The following PSD3 variants were observed in gnomAD, a reference collection of about 807,000 sequenced individuals.
PSD3 encodes the protein pleckstrin and Sec7 domain containing 3, also known as PH and SEC7 domain-containing protein 3.
A neutral mutation model predicts 105.5 loss-of-function variants in PSD3; 49 were observed. The ratio of observed to expected loss-of-function variants is 0.46; its 90% CI spans 0.37 to 0.59. PSD3 has a LOEUF of 0.59. Ranked by LOEUF, PSD3 falls within the 20% of genes least tolerant of loss-of-function variation. PSD3 has a pLI of 0.00. For synonymous variants in PSD3, 557 were observed against 457.8 expected (o/e 1.22, Z -2.77); for missense variants, 1,561 against 1,263.8 (o/e 1.24, Z -3.57).
intron 9 of PSD3, among the ~76,000 whole-genome samples, chr8:18,656,027 C>T (rs1808867226): frequency 1.3e-5 from 2 of 152,106 alleles, no homozygotes. Flanking sequence ...TGTAGTTTCA[C>T]TCAGTTGGAC....
At chr8:19,035,900 G>A (rs557807881) in intron 1 of PSD3, among the ~76,000 whole-genome samples, 4 of 152,078 alleles carry the variant, frequency 2.6e-5, no homozygotes, top group Middle Eastern at 3.4e-3. Flanking sequence ...GATTGCAGGT[G>A]CATACCACTA....
At chr8:18,768,137 A>AAAAAAAAAAT (rs71217400) in intron 8 of PSD3, among the ~76,000 whole-genome samples, 1 of 143,928 alleles carries the variant, frequency 6.9e-6, no homozygotes. Flanking sequence ...AAAAAAAAAA[A>AAAAAAAAAAT]TAGCCGGATG....
chr8:19,080,446 C>G (rs1829606859), intron 1 of PSD3, among the ~76,000 whole-genome samples: 1 of 152,168 alleles, frequency 6.6e-6, no homozygotes, highest in African/African-American at 2.4e-5. Flanking sequence ...ACATTTCAGA[C>G]ATTAGTTTGA....
intron 2 of PSD3, among the ~76,000 whole-genome samples, chr8:18,891,777 A>T (rs1226981046): frequency 6.6e-6 from 1 of 152,226 alleles, no homozygotes; most frequent in Non-Finnish European, 1.5e-5. Context: ...ATTCTTTGTT[A>T]ATCAAAATAA....
rs1804413065 is a variant in PSD3, at chr8:18,601,159, C to T, written c.2411-725G>A. On this transcript the variant is annotated intron_variant, in intron 11 of 15. Transcript: ENST00000327040. ...CAAAATAATTAATTATTTCAGAAGT[C>T]CTTAGATTTCTTCTGTTTATATTTT... Among the ~76,000 whole-genome samples the T allele has an allele frequency of 2.6e-5, 4 of 152,098 alleles. 1 individual carries two copies. In the South Asian group the frequency reaches 8.3e-4, roughly 32 times the overall value.
At chr8:18,884,960 T>C (rs1164544441) in intron 2 of PSD3, among the ~76,000 whole-genome samples, 1 of 152,212 alleles carries the variant, frequency 6.6e-6, no homozygotes, top group Non-Finnish European at 1.5e-5. Context: ...TCTCTGCAAC[T>C]GTGCAGAGCA....
At chr8:18,614,132 T>C (rs557159624) in intron 11 of PSD3, among the ~76,000 whole-genome samples, 1 of 152,328 alleles carries the variant, frequency 6.6e-6, no homozygotes, top group Admixed American at 6.5e-5. Context: ...ATCCTGGGGT[T>C]TCCTCTAATC....
intron 11 of PSD3, among the ~76,000 whole-genome samples, chr8:18,604,524 C>T (rs1429452011): frequency 1.3e-5 from 2 of 151,500 alleles, no homozygotes; most frequent in East Asian, 1.9e-4. Context: ...GAAAAATTTG[C>T]AGCCTGGCCA....
chr8:18,678,153 G>C (rs1800176513), intron 9 of PSD3, among the ~76,000 whole-genome samples: 1 of 152,116 alleles, frequency 6.6e-6, no homozygotes, highest in African/African-American at 2.4e-5. Flanking sequence ...AGATAAAATT[G>C]TTTTTATCTT....
At chr8:18,961,047 G>C (rs1407660489) in intron 1 of PSD3, among the ~76,000 whole-genome samples, 2 of 152,070 alleles carry the variant, frequency 1.3e-5, no homozygotes, top group East Asian at 1.9e-4. Context: ...GTGAGTAACA[G>C]AGTCACTGCC....
rs183180971 is a variant in PSD3, at chr8:18,943,594, G to A, written c.22-7452C>T. 1.3e-3 allele frequency among the ~76,000 whole-genome samples: 200 copies of A among 152,226 alleles called. 1 individual carries two copies. Among genetic ancestry groups the A allele is most frequent in the Non-Finnish European group, 1.7e-3 (117 of 68,018 alleles). ...GAGCCTGGTAAACTCTTGAAGTGAA[G>A]GAAAAGGGAGTGGCTTAGATAACAG... On this transcript the variant is annotated intron_variant, in intron 1 of 15. Transcript: ENST00000327040.
At chr8:18,831,909 T>C (rs764815124) in intron 4 of PSD3, among the ~76,000 whole-genome samples, 10 of 151,456 alleles carry the variant, frequency 6.6e-5, no homozygotes, top group African/African-American at 1.2e-4. Flanking sequence ...AAAAAAAAAA[T>C]AGAAAAAGTA....
chr8:18,728,075 C>G (rs950342235), intron 9 of PSD3, among the ~76,000 whole-genome samples: 1 of 151,250 alleles, frequency 6.6e-6, no homozygotes, highest in African/African-American at 2.4e-5. Flanking sequence ...AAAAAAAAAG[C>G]GGAGAAAGGG....
At chr8:18,537,151 G>A (rs916438399) in intron 15 of PSD3, among the ~76,000 whole-genome samples, 1 of 152,188 alleles carries the variant, frequency 6.6e-6, no homozygotes, top group African/African-American at 2.4e-5. Context: ...TTCAAGTGGG[G>A]TGTGAGCGCT....
At chr8:18,804,925 T>C (rs1811068937) in intron 4 of PSD3, 27 bp from the exon 5 acceptor site, 1 of 1,525,440 alleles carries the variant, frequency 6.6e-7, no homozygotes, top group South Asian at 1.2e-5. Flanking sequence ...AGAGAGAAAA[T>C]AATAGATTTT....
intron 1 of PSD3, among the ~76,000 whole-genome samples, chr8:19,012,432 AGGG>A (rs1826992806): frequency 6.6e-6 from 1 of 152,218 alleles, no homozygotes; most frequent in Non-Finnish European, 1.5e-5. Context: ...TTCTTGGAAA[AGGG>A]TAGAAAGTGA....
intron 9 of PSD3, among the ~76,000 whole-genome samples, chr8:18,677,656 C>A (rs190825421): frequency 6.6e-6 from 1 of 152,176 alleles, no homozygotes; most frequent in Non-Finnish European, 1.5e-5. Flanking sequence ...TGTAGAACTA[C>A]GTCCCTGAAG....
intron 15 of PSD3, among the ~76,000 whole-genome samples, chr8:18,544,705 A>G (rs1563307142): frequency 6.6e-6 from 1 of 152,204 alleles, no homozygotes. Context: ...AGAGCTCAAC[A>G]CTAGCACAGT....
chr8:18,571,238 G>A (rs1308258511), intron 14 of PSD3, among the ~76,000 whole-genome samples: 1 of 152,128 alleles, frequency 6.6e-6, no homozygotes, highest in Non-Finnish European at 1.5e-5. Flanking sequence ...GGCCTTTCAT[G>A]ATTTGGCCTT....
Sources: gnomAD v4.1 joint callset for allele counts (sites outside exome capture counted in the v4.1 genomes callset) on GRCh38, gnomAD v4.1.1 for gene constraint, MANE v1.5 for transcripts, NCBI Gene and HGNC (gene_info 2026-07-23, HGNC 2026-07-21) for gene names.